MSI2: variants seen among roughly 807,000 people sequenced by gnomAD.
The protein encoded by MSI2 is musashi RNA binding protein 2.
Under a neutral mutation model 45.6 loss-of-function variants are expected in MSI2, and 17 were observed. The observed-to-expected ratio is 0.37, with a 90% CI of 0.26 to 0.56. MSI2 has a LOEUF of 0.56. Ranked by LOEUF, MSI2 falls within the 20% of genes least tolerant of loss-of-function variation. The pLI, the probability that MSI2 is intolerant of heterozygous loss-of-function variation, is 0.77. For missense variants in MSI2, 293 were observed against 444.2 expected (o/e 0.66, Z 3.06); for synonymous variants, 156 against 158.2 (o/e 0.99, Z 0.11).
At chr17:57,373,079 A>G (rs1298836334) in intron 5 of MSI2, among the ~76,000 whole-genome samples, 1 of 152,028 alleles carries the variant, frequency 6.6e-6, no homozygotes, top group Non-Finnish European at 1.5e-5. Flanking sequence ...TGGTAGAGAC[A>G]TATCTGTCTC....
At chr17:57,540,380 T>C (rs2087017422) in intron 7 of MSI2, among the ~76,000 whole-genome samples, 1 of 152,218 alleles carries the variant, frequency 6.6e-6, no homozygotes, top group Non-Finnish European at 1.5e-5. Context: ...TGGCAGATGC[T>C]GTCAAGTTTT....
intron 6 of MSI2, among the ~76,000 whole-genome samples, chr17:57,509,928 A>G (rs1011710085): frequency 1.3e-5 from 2 of 152,172 alleles, no homozygotes; most frequent in African/African-American, 4.8e-5. Context: ...CTTCTGTTGT[A>G]GCACCTGATT....
At chr17:57,561,145 A>T (rs2087565021) in intron 7 of MSI2, among the ~76,000 whole-genome samples, 1 of 152,208 alleles carries the variant, frequency 6.6e-6, no homozygotes, top group African/African-American at 2.4e-5. Flanking sequence ...TTGAGCAATC[A>T]TGAAGAGACC....
chr17:57,575,822 G>C (rs1413333720), intron 7 of MSI2, among the ~76,000 whole-genome samples: 1 of 152,064 alleles, frequency 6.6e-6, no homozygotes, highest in Non-Finnish European at 1.5e-5. Flanking sequence ...GCAGGCGCCT[G>C]TAGTCCCAGC....
intron 10 of MSI2, among the ~76,000 whole-genome samples, 183 bp from the exon 11 acceptor site, chr17:57,651,915 GT>G (rs1486532330): frequency 6.6e-6 from 1 of 152,228 alleles, no homozygotes; most frequent in Non-Finnish European, 1.5e-5. Context: ...ACCTAAAGAT[GT>G]TGTGCCTTCC....
chr17:57,700,945 T>C, the MSI2 span, among the ~76,000 whole-genome samples: 4 of 152,062 alleles, frequency 2.6e-5, no homozygotes, highest in African/African-American at 9.7e-5. Flanking sequence ...GCTCCCACAC[T>C]TCCCAAGGAG....
chr17:57,681,245 C>CT lies in MSI2; in HGVS notation c.*1736dup, dbSNP rs931544307. ...TGATGAAGGATATTTTTTAATTTAA[C>CT]TTTTTTTTAAATATTGGTAATAGGT... On this transcript the variant is annotated 3_prime_UTR_variant, in exon 14 of 14. Transcript: ENST00000284073. 1.1e-5 allele frequency: 2 copies of CT among 183,916 alleles called. No homozygotes were observed. Among genetic ancestry groups the CT allele is most frequent in the Non-Finnish European group, 2.3e-5 (2 of 86,734 alleles). The allele number at this position is 183,916 out of a possible 1,614,324, so 11.4% of individuals were successfully genotyped here. A position where few individuals can be genotyped will look rare whatever the true frequency, so the allele number is the denominator to read the frequency against.
chr17:57,567,626 G>A (rs1340539271), intron 7 of MSI2, among the ~76,000 whole-genome samples: 2 of 152,246 alleles, frequency 1.3e-5, no homozygotes, highest in African/African-American at 2.4e-5. Context: ...GGCTGTGCGT[G>A]CCTCTTCCAA....
chr17:57,293,237 G>A (rs1404794333), intron 5 of MSI2, among the ~76,000 whole-genome samples: 1 of 152,160 alleles, frequency 6.6e-6, no homozygotes, highest in Non-Finnish European at 1.5e-5. Flanking sequence ...AGGCTGGGGA[G>A]AGACTCAGGG....
chr17:57,465,635 A>G (rs1368734360), intron 6 of MSI2, among the ~76,000 whole-genome samples: 2 of 152,120 alleles, frequency 1.3e-5, no homozygotes, highest in Admixed American at 6.5e-5. Context: ...CCCAAAGCCC[A>G]TGGGAGGGTG....
chr17:57,701,256 T>C, the MSI2 span, among the ~76,000 whole-genome samples: 1 of 152,198 alleles, frequency 6.6e-6, no homozygotes. Context: ...GAAGCCCGCA[T>C]GCTTTGCTGT....
chr17:57,505,048 A>G (rs1437465324), intron 6 of MSI2, among the ~76,000 whole-genome samples: 1 of 152,210 alleles, frequency 6.6e-6, no homozygotes, highest in Non-Finnish European at 1.5e-5. Context: ...GCAAGAGTGT[A>G]AAGCTTTCAA....
chr17:57,578,069 T>C (rs896751078), intron 7 of MSI2, among the ~76,000 whole-genome samples: 3 of 152,234 alleles, frequency 2.0e-5, no homozygotes, highest in Non-Finnish European at 4.4e-5. Context: ...CTCCAATCTG[T>C]CTGCCGCTGA....
intron 6 of MSI2, among the ~76,000 whole-genome samples, chr17:57,444,322 C>T (rs539822668): frequency 9.2e-5 from 14 of 152,102 alleles, no homozygotes; most frequent in African/African-American, 2.4e-4. Flanking sequence ...CAGTAGCTCA[C>T]GCCTATAATC....
At chr17:57,477,917 T>C (rs962821921) in intron 6 of MSI2, among the ~76,000 whole-genome samples, 1 of 152,200 alleles carries the variant, frequency 6.6e-6, no homozygotes, top group African/African-American at 2.4e-5. Flanking sequence ...TTAATCCATG[T>C]AACCAGCCCC....
intron 6 of MSI2, among the ~76,000 whole-genome samples, chr17:57,402,519 A>G (rs2084012428): frequency 6.6e-6 from 1 of 152,168 alleles, no homozygotes; most frequent in Non-Finnish European, 1.5e-5. Context: ...CGTGCTTGCC[A>G]TGGGTACAAA....
chr17:57,615,200 T>C (rs1907566009), intron 8 of MSI2, among the ~76,000 whole-genome samples: 1 of 150,010 alleles, frequency 6.7e-6, no homozygotes, highest in Non-Finnish European at 1.5e-5. Context: ...TGATCATGGC[T>C]CACTGCAGCC....
intron 5 of MSI2, among the ~76,000 whole-genome samples, chr17:57,282,150 G>A (rs960512630): frequency 4.6e-5 from 7 of 152,056 alleles, no homozygotes; most frequent in Non-Finnish European, 1.0e-4. Context: ...TCTTTGCTTG[G>A]GGTGACGGGT....
At chr17:57,341,473 G>C (rs1164806560) in intron 5 of MSI2, among the ~76,000 whole-genome samples, 1 of 152,220 alleles carries the variant, frequency 6.6e-6, no homozygotes, top group Admixed American at 6.5e-5. Flanking sequence ...CTGCCGCCTG[G>C]CTGGGGACCC....
Sources: allele counts gnomAD v4.1 joint callset (sites outside exome capture counted in the v4.1 genomes callset), GRCh38; gene constraint gnomAD v4.1.1; transcripts MANE v1.5; gene names NCBI Gene and HGNC (gene_info 2026-07-23, HGNC 2026-07-21).